The following ACVR1C variants were observed in gnomAD, a reference collection of about 807,000 sequenced individuals.
ACVR1C encodes the protein activin A receptor type 1C.
A neutral mutation model predicts 57.9 loss-of-function variants in ACVR1C; 23 were observed. The ratio of observed to expected loss-of-function variants is 0.40; its 90% confidence interval spans 0.29 to 0.56. The LOEUF is 0.56. Ranked by LOEUF, ACVR1C falls within the 20% of genes least tolerant of loss-of-function variation. The pLI is 0.50. For missense variants in ACVR1C, 480 were observed against 607.9 expected (o/e 0.79, Z 2.21); for synonymous variants, 214 against 215.3 (o/e 0.99, Z 0.05).
At chr2:157,583,790 TAGA>T (rs141499556) in intron 2 of ACVR1C, among the ~76,000 whole-genome samples, 15,182 of 152,192 alleles carry the variant, frequency 0.1, 1,044 homozygotes, top group Non-Finnish European at 0.16. Context: ...TAAATGATGC[TAGA>T]AGAACTTCAA....
intron 1 of ACVR1C, among the ~76,000 whole-genome samples, chr2:157,588,127 C>T (rs1231720423): frequency 2.0e-5 from 3 of 151,760 alleles, no homozygotes; most frequent in Non-Finnish European, 2.9e-5. Flanking sequence ...TAAAGTAAGG[C>T]AAATCAATAA....
intron 1 of ACVR1C, among the ~76,000 whole-genome samples, chr2:157,599,314 C>CAAAAAAAAAAAA (rs60182304): frequency 4.9e-5 from 2 of 40,608 alleles, no homozygotes; most frequent in African/African-American, 1.1e-4. Flanking sequence ...AGCCTGGGCT[C>CAAAAAAAAAAAA]AAAAAAAAAA....
chr2:157,542,483 C>A (rs1687646657), intron 6 of ACVR1C, among the ~76,000 whole-genome samples: 1 of 152,176 alleles, frequency 6.6e-6, no homozygotes. Context: ...CTCCACTGGA[C>A]TCTGTACCTA....
At chr2:157,604,611 G>A (rs1682354171) in intron 1 of ACVR1C, among the ~76,000 whole-genome samples, 1 of 151,786 alleles carries the variant, frequency 6.6e-6, no homozygotes, top group African/African-American at 2.4e-5. Flanking sequence ...TTACTATTTT[G>A]TATAGAAGGT....
intron 2 of ACVR1C, among the ~76,000 whole-genome samples, chr2:157,569,796 T>G (rs1688479298): frequency 4.2e-5 from 1 of 24,024 alleles, no homozygotes. Flanking sequence ...AAGGAGGAAC[T>G]GGTACCATTC....
intron 2 of ACVR1C, among the ~76,000 whole-genome samples, chr2:157,563,620 A>C (rs895636443): frequency 2.0e-5 from 3 of 152,238 alleles, no homozygotes; most frequent in African/African-American, 7.2e-5. Flanking sequence ...AAACTACTTT[A>C]AATTTCATAT....
At chr2:157,602,965 C>A (rs1682313467) in intron 1 of ACVR1C, among the ~76,000 whole-genome samples, 1 of 152,122 alleles carries the variant, frequency 6.6e-6, no homozygotes, top group African/African-American at 2.4e-5. Flanking sequence ...CAGGGAGTAG[C>A]TAAACATATC....
intron 4 of ACVR1C, among the ~76,000 whole-genome samples, chr2:157,547,623 GA>G (rs1573909344): frequency 7.0e-6 from 1 of 141,944 alleles, no homozygotes; most frequent in Non-Finnish European, 1.5e-5. Flanking sequence ...CTTCTTTTGA[GA>G]AGTGTCTGTT....
At chr2:157,590,838 C>T (rs1490615369) in intron 1 of ACVR1C, among the ~76,000 whole-genome samples, 2 of 151,944 alleles carry the variant, frequency 1.3e-5, no homozygotes, top group Non-Finnish European at 2.9e-5. Context: ...TTCTCCAGTT[C>T]CAATCTTACA....
intron 1 of ACVR1C, among the ~76,000 whole-genome samples, chr2:157,598,615 C>T (rs773914104): frequency 6.6e-6 from 1 of 151,234 alleles, no homozygotes; most frequent in Non-Finnish European, 1.5e-5. Flanking sequence ...CCTCGGCTCA[C>T]TGCAATCCCC....
At position 157,554,257 on chromosome 2, in the gene ACVR1C, A is replaced by G. The variant is rs1315612910; in HGVS notation, c.544+1836T>C. Among the ~76,000 whole-genome samples, 209 of 139,768 alleles carry G rather than the reference A, an allele frequency of 1.5e-3. 5 individuals carry two copies. Among genetic ancestry groups the G allele is most frequent in the African/African-American group, 6.1e-3 (197 of 32,206 alleles). The allele number at this position is 139,768 out of a possible 152,430, so 91.7% of individuals were successfully genotyped here. ...AAAGAAAGAAAGAAAGAAAGAAAGA[A>G]AGAAAGAAAGAAAGGAAGGAAGGAA... On this transcript the variant is annotated intron_variant, in intron 3 of 8. Coordinates refer to ENST00000243349, the MANE Select transcript of ACVR1C (RefSeq NM_145259.3).
Position 157,628,645 on chromosome 2 carries a change from C to A in ACVR1C, c.-1G>T. On this transcript the variant is annotated 5_prime_UTR_variant, in exon 1 of 9. Coordinates refer to ENST00000243349, the MANE Select transcript of ACVR1C (RefSeq NM_145259.3). Reference sequence around the variant, plus strand: ...GCGCTGAGCAGAGCGCCCGGGTCATCGCCACCAGGCGGCCGCGCCGGGGCT... The same window carrying A: ...GCGCTGAGCAGAGCGCCCGGGTCATAGCCACCAGGCGGCCGCGCCGGGGCT... 6.4e-7 allele frequency: 1 copy of A among 1,572,240 alleles called. No individual in the cohort carries two copies. Among genetic ancestry groups the A allele is most frequent in the Non-Finnish European group, 8.6e-7 (1 of 1,160,822 alleles).
At chr2:157,590,660 T>C (rs527587850) in intron 1 of ACVR1C, among the ~76,000 whole-genome samples, 2 of 152,090 alleles carry the variant, frequency 1.3e-5, no homozygotes, top group East Asian at 3.9e-4. Flanking sequence ...AATATTTATG[T>C]GATACAGAAG....
intron 2 of ACVR1C, among the ~76,000 whole-genome samples, chr2:157,576,785 T>C (rs1297113602): frequency 6.6e-6 from 1 of 151,840 alleles, no homozygotes; most frequent in Non-Finnish European, 1.5e-5. Flanking sequence ...TACCTGTTCC[T>C]GGAAGTTTAG....
At chr2:157,558,774 C>G (rs1175543720) in intron 2 of ACVR1C, among the ~76,000 whole-genome samples, 2 of 152,080 alleles carry the variant, frequency 1.3e-5, no homozygotes, top group South Asian at 4.1e-4. Flanking sequence ...TAATCATTAG[C>G]CATGGTACTT....
chr2:157,574,724 A>C (rs1688602653), intron 2 of ACVR1C, among the ~76,000 whole-genome samples: 4 of 152,202 alleles, frequency 2.6e-5, no homozygotes, highest in Admixed American at 2.0e-4. Context: ...ATAACAAAGG[A>C]AACCAAATAA....
In ACVR1C at chr2:157,542,714, T is replaced by C. The variant is rs1237903525; in HGVS notation, c.1092A>G (p.Gly364=). ...TIDIPQNPKV[G]TKRYMAPEML... The stretch of plus-strand genomic sequence containing the variant: ...CAAGTCAGTCGTCTTACCTCTTGGT[T>C]CCCACTTTAGGATTCTGAGGTATGT... Residue 364 remains glycine, a synonymous_variant, in exon 6 of 9, where the codon GGA becomes GGG. Transcript: ENST00000243349. 1 of 1,612,534 alleles carries C rather than the reference T, an allele frequency of 6.2e-7. No individual in the cohort carries two copies. Among genetic ancestry groups the C allele is most frequent in the Non-Finnish European group, 8.5e-7 (1 of 1,179,478 alleles).
chr2:157,626,787 ACTT>A (rs1225754635), intron 1 of ACVR1C, among the ~76,000 whole-genome samples: 4 of 152,328 alleles, frequency 2.6e-5, no homozygotes, highest in African/African-American at 9.6e-5. Flanking sequence ...AGGGGTAAAA[ACTT>A]CTTAAGGAGA....
chr2:157,550,058 A>C, intron 4 of ACVR1C, 104 bp downstream of exon 4: 1 of 933,110 alleles, frequency 1.1e-6, no homozygotes, highest in East Asian at 2.6e-5. Context: ...GAAGAGGTGA[A>C]TTTATTTTTT....
Sources: allele counts gnomAD v4.1 joint callset (sites outside exome capture counted in the v4.1 genomes callset), GRCh38; gene constraint gnomAD v4.1.1; transcripts MANE v1.5; gene names NCBI Gene and HGNC (gene_info 2026-07-23, HGNC 2026-07-21).